The following KAZN variants were observed in gnomAD, a reference collection of about 807,000 sequenced individuals.
KAZN encodes kazrin.
In KAZN, 40 loss-of-function variants were observed where a neutral mutation model predicts 87.4. The ratio of observed to expected loss-of-function variants is 0.46; its 90% CI spans 0.36 to 0.60. The LOEUF is 0.60. KAZN is among the 20% of genes least tolerant of loss of function. KAZN has a pLI of 0.00. For synonymous variants in KAZN, 466 were observed against 458.3 expected, an observed-to-expected ratio of 1.02 and a Z score of -0.22; for missense variants, 898 against 1,073.9, an observed-to-expected ratio of 0.84 and a Z score of 2.29.
chr1:14,940,312 G>T lies in KAZN; in HGVS notation c.227-20372G>T, dbSNP rs868220462. ...TCTCCAGGCAACCCCTACAATTTTT[G>T]ATTCGTTTTAAGCATTCACTCACTT... On this transcript the variant is annotated intron_variant, in intron 1 of 14. Coordinates refer to ENST00000376030, the MANE Select transcript of KAZN (RefSeq NM_201628.3). 3.9e-5 allele frequency among the ~76,000 whole-genome samples: 6 copies of T among 152,320 alleles called. No homozygotes were observed. In the South Asian group the frequency reaches 1.0e-3, roughly 26 times the overall value.
intron 2 of KAZN, among the ~76,000 whole-genome samples, chr1:14,591,177 C>T (rs1004632708): frequency 6.6e-6 from 1 of 151,942 alleles, no homozygotes; most frequent in African/African-American, 2.4e-5. Flanking sequence ...TAGTGCCCCC[C>T]CCCCATGGAC....
intron 2 of KAZN, among the ~76,000 whole-genome samples, chr1:15,012,372 T>C (rs1411453714): frequency 2.0e-5 from 3 of 152,160 alleles, no homozygotes; most frequent in Non-Finnish European, 4.4e-5. Flanking sequence ...AGAAAAGTTA[T>C]ACCTAAAAGA....
intron 1 of KAZN, among the ~76,000 whole-genome samples, chr1:13,942,719 G>T (rs1006395091): frequency 2.0e-5 from 3 of 152,090 alleles, no homozygotes; most frequent in Admixed American, 6.5e-5. Context: ...AGTTATTTAC[G>T]CATGGACATT....
intron 2 of KAZN, among the ~76,000 whole-genome samples, chr1:15,013,149 C>T (rs771580035): frequency 1.3e-5 from 2 of 152,210 alleles, no homozygotes; most frequent in Non-Finnish European, 2.9e-5. Context: ...CTCCTGTAGA[C>T]TCCTCTGCCT....
chr1:14,655,535 G>A (rs1054883454), intron 1 of KAZN, among the ~76,000 whole-genome samples: 9 of 152,160 alleles, frequency 5.9e-5, no homozygotes, highest in Non-Finnish European at 1.3e-4. Flanking sequence ...TAACGGAGGT[G>A]GTTTAAATCA....
intron 1 of KAZN, among the ~76,000 whole-genome samples, chr1:14,093,491 G>T (rs558249671): frequency 2.0e-5 from 3 of 152,108 alleles, no homozygotes; most frequent in Admixed American, 6.5e-5. Context: ...AAATTCATTT[G>T]AACTAATTCC....
At position 14,929,314 on chromosome 1, in the gene KAZN, G is replaced by C. The variant is rs191975291; in HGVS notation, c.227-31370G>C. Among the ~76,000 whole-genome samples the C allele has an allele frequency of 9.9e-5, 15 of 152,252 alleles. No homozygotes were observed. The East Asian group carries it at 2.7e-3, about 27-fold the overall frequency. Reference sequence around the variant, plus strand: ...ATTTACTCAAACAGGTGACTCCAAAGGGCTGCTAGCTGCTTATTTGGCTTT... The same window carrying C: ...ATTTACTCAAACAGGTGACTCCAAACGGCTGCTAGCTGCTTATTTGGCTTT... On this transcript the variant is annotated intron_variant, in intron 1 of 14. Transcript: ENST00000376030.
At chr1:14,623,493 G>A (rs888001161) in intron 1 of KAZN, among the ~76,000 whole-genome samples, 3 of 152,112 alleles carry the variant, frequency 2.0e-5, no homozygotes, top group African/African-American at 2.4e-5. Context: ...AGGAGGGAGA[G>A]GAGCAGAAAG....
intron 2 of KAZN, among the ~76,000 whole-genome samples, chr1:14,422,361 T>C (rs1018031830): frequency 2.6e-5 from 4 of 152,158 alleles, no homozygotes; most frequent in African/African-American, 9.7e-5. Context: ...GGGGAAGAGC[T>C]TCCCCTTTTC....
chr1:14,666,539 T>C (rs1257342979), intron 1 of KAZN, among the ~76,000 whole-genome samples: 4 of 152,190 alleles, frequency 2.6e-5, no homozygotes, highest in African/African-American at 9.6e-5. Context: ...AGCAGAACGT[T>C]ACTGTGTCTG....
chr1:14,598,479 C>A (rs940550888), upstream of KAZN, among the ~76,000 whole-genome samples: 1 of 152,248 alleles, frequency 6.6e-6, no homozygotes, highest in Middle Eastern at 3.4e-3. This position sits in a 1 kb window ranked among gnomAD's most constrained non-coding sequence, Gnocchi z 4.2. Context: ...CGGCCTCGGT[C>A]CAGGCGACCC....
At chr1:14,531,744 A>G (rs1672218847) in intron 2 of KAZN, among the ~76,000 whole-genome samples, 1 of 152,220 alleles carries the variant, frequency 6.6e-6, no homozygotes, top group South Asian at 2.1e-4. Flanking sequence ...GACATGTTCG[A>G]CTGAACAGCA....
chr1:14,283,839 G>A (rs570668668), intron 2 of KAZN, among the ~76,000 whole-genome samples: 76 of 152,196 alleles, frequency 5.0e-4, no homozygotes, highest in African/African-American at 1.7e-3. Context: ...TATAGGCAAC[G>A]AGTGGAAACA....
At chr1:14,208,036 G>A (rs74057104) in intron 2 of KAZN, among the ~76,000 whole-genome samples, 1,962 of 152,216 alleles carry the variant, frequency 0.013, 42 homozygotes, top group African/African-American at 0.044. Flanking sequence ...TGAAAATATC[G>A]TTTACTGGAG....
At chr1:14,663,446 A>G (rs1473778130) in intron 1 of KAZN, among the ~76,000 whole-genome samples, 1 of 152,170 alleles carries the variant, frequency 6.6e-6, no homozygotes, top group Non-Finnish European at 1.5e-5. Context: ...CTCGATTGCC[A>G]GCTATCCCTT....
chr1:14,275,060 AAAGAATGATTTTT>A (rs1205954015), intron 2 of KAZN, among the ~76,000 whole-genome samples: 1 of 152,190 alleles, frequency 6.6e-6, no homozygotes, highest in African/African-American at 2.4e-5. Context: ...CATACATTTT[AAAGAATGATTTTT>A]AAAAGACCAC....
rs201058383 is a variant in KAZN at position 14,918,707 on chromosome 1, AATATATATATATATATATAT to A, written c.227-41954_227-41935del. 9.6e-3 allele frequency among the ~76,000 whole-genome samples: 238 copies of A among 24,672 alleles called. 6 individuals are homozygous for A. Among genetic ancestry groups the A allele is most frequent in the African/African-American group, 0.033 (207 of 6,196 alleles). 16.2% of individuals were successfully genotyped at this position (24,672 alleles called of 152,430 possible). A position where few individuals can be genotyped will look rare whatever the true frequency, so the allele number is the denominator to read the frequency against. On this transcript the variant is annotated intron_variant, in intron 1 of 14. Coordinates refer to ENST00000376030, the MANE Select transcript of KAZN (RefSeq NM_201628.3). Reference sequence around the variant, plus strand: ...AAAAAAAAAAAAAAAAAAAAAAAAAAATATATATATATATATATATATATATATATATATATATATATCCT... The same window carrying A: ...AAAAAAAAAAAAAAAAAAAAAAAAAAATATATATATATATATATATATCCT...
At chr1:14,859,490 C>T (rs967050351) in intron 1 of KAZN, among the ~76,000 whole-genome samples, 22 of 152,082 alleles carry the variant, frequency 1.4e-4, no homozygotes, top group African/African-American at 4.6e-4. Context: ...TTTGAAAATC[C>T]GGCTCAAATC....
intron 1 of KAZN, among the ~76,000 whole-genome samples, chr1:14,005,073 A>G (rs1639978919): frequency 6.6e-6 from 1 of 152,190 alleles, no homozygotes; most frequent in Non-Finnish European, 1.5e-5. Flanking sequence ...TCTTTTCTTT[A>G]TAAATTACCC....
Sources: gnomAD v4.1 joint callset for allele counts (sites outside exome capture counted in the v4.1 genomes callset) on GRCh38, gnomAD v4.1.1 for gene constraint, Gnocchi (gnomAD v3.1) non-coding constraint, MANE v1.5 for transcripts, NCBI Gene and HGNC (gene_info 2026-07-23, HGNC 2026-07-21) for gene names.